Variants in LONRF3 observed in about 807,000 individuals in gnomAD.
LONRF3 encodes LON peptidase N-terminal domain and RING finger protein 3.
Under a neutral mutation model 51.7 loss-of-function variants are expected in LONRF3, and 19 were observed. That is an observed-to-expected ratio of 0.37 (90% CI 0.26 to 0.54). The LOEUF (loss-of-function observed/expected upper bound fraction) is 0.54. LONRF3 is among the 20% of genes least tolerant of loss of function. The pLI is 0.86. For synonymous variants in LONRF3, 265 were observed against 257.8 expected, an observed-to-expected ratio of 1.03 and a Z score of -0.27; for missense variants, 521 against 623.9, an observed-to-expected ratio of 0.84 and a Z score of 1.76.
At chrX:118,985,062 T>G (rs1043053967) in intron 3 of LONRF3, among the ~76,000 whole-genome samples, 1 of 112,472 alleles carries the variant, frequency 8.9e-6, no homozygotes, top group African/African-American at 3.2e-5. Flanking sequence ...TCACTGAGAA[T>G]TGACCCCAAC....
chrX:119,003,903 A>G (rs1361879867), intron 5 of LONRF3, among the ~76,000 whole-genome samples: 1 of 112,179 alleles, frequency 8.9e-6, no homozygotes, highest in Non-Finnish European at 1.9e-5. Flanking sequence ...TTTTAAAAGG[A>G]GTTGCAAATG....
rs202239554 is a variant in LONRF3, at chrX:119,006,205, G to C, written c.1500G>C (p.Lys500Asn). Residue 500 changes from lysine to asparagine, a missense_variant, in exon 6 of 11, where the codon AAG becomes AAC. Lys to Asn is a moderately conservative substitution (Grantham distance 94). Coordinates refer to ENST00000371628, the MANE Select transcript of LONRF3 (RefSeq NM_001031855.3). ...CLERCLDHNA[K>N]CPLCKDGLSQ... ...AAAGATGCCTAGATCACAACGCAAA[G>C]TGTCCATTGTGCAAAGACGGTCTTT... The C allele has an allele frequency of 8.4e-7, 1 of 1,186,042 alleles. No homozygotes were observed. Among genetic ancestry groups the C allele is most frequent in the Non-Finnish European group, 1.1e-6 (1 of 876,687 alleles).
intron 7 of LONRF3, among the ~76,000 whole-genome samples, chrX:119,010,491 T>A (rs1345869738): frequency 1.8e-5 from 2 of 111,608 alleles, no homozygotes; most frequent in Non-Finnish European, 3.8e-5. Flanking sequence ...ATCGTTTTTT[T>A]TTTCTCATTA....
chrX:119,000,775 T>TTCTC (rs200671696), intron 5 of LONRF3, among the ~76,000 whole-genome samples: 9 of 55,840 alleles, frequency 1.6e-4, no homozygotes, highest in Middle Eastern at 0.01. Flanking sequence ...TTCACTCTCA[T>TTCTC]TCTCTCTCTC....
chrX:118,981,021 C>T (rs1379879751), intron 2 of LONRF3, among the ~76,000 whole-genome samples: 1 of 111,695 alleles, frequency 9.0e-6, no homozygotes, highest in Non-Finnish European at 1.9e-5. Flanking sequence ...CCACCTCCCA[C>T]CCTGATTTGC....
intron 5 of LONRF3, among the ~76,000 whole-genome samples, chrX:119,000,775 T>TTCTCTCTCTCTC (rs200671696): frequency 3.6e-5 from 2 of 55,846 alleles, no homozygotes; most frequent in Non-Finnish European, 6.7e-5. Context: ...TTCACTCTCA[T>TTCTCTCTCTCTC]TCTCTCTCTC....
At chrX:119,002,720 C>T (rs746194872) in intron 5 of LONRF3, among the ~76,000 whole-genome samples, 20 of 111,940 alleles carry the variant, frequency 1.8e-4, no homozygotes, top group African/African-American at 2.6e-4. Flanking sequence ...GTTGCAGATA[C>T]CTTCTCCTAC....
chrX:119,012,537 G>A (rs1377663098), intron 8 of LONRF3, among the ~76,000 whole-genome samples: 2 of 110,922 alleles, frequency 1.8e-5, no homozygotes, highest in African/African-American at 6.6e-5. Flanking sequence ...TCAAGGTGCT[G>A]GCATCTGGCA....
chrX:118,989,737 G>C, intron 4 of LONRF3, 65 bp downstream of exon 4: 16 of 1,102,852 alleles, frequency 1.5e-5, no homozygotes, highest in Non-Finnish European at 1.9e-5. Flanking sequence ...ATATATACAA[G>C]TTACTTACCT....
At chrX:119,016,756 G>C (rs1925492003) in intron 10 of LONRF3, among the ~76,000 whole-genome samples, 1 of 111,926 alleles carries the variant, frequency 8.9e-6, no homozygotes, top group South Asian at 3.7e-4. Context: ...GGGGAGAAGA[G>C]AGCTATGGCC....
intron 1 of LONRF3, 121 bp downstream of exon 1, chrX:118,975,718 TGGAC>T: frequency 1.1e-5 from 1 of 89,722 alleles, no homozygotes. Flanking sequence ...GGGGGACCCA[TGGAC>T]TGTGGCGGGG....
At chrX:118,983,167 G>A (rs765608902) in intron 3 of LONRF3, among the ~76,000 whole-genome samples, 6 of 111,676 alleles carry the variant, frequency 5.4e-5, no homozygotes, top group Non-Finnish European at 9.4e-5. Context: ...CATTTTTGTA[G>A]GAGCCTGTGA....
rs1269241824 is a variant in LONRF3, at chrX:118,974,874, C to T, written c.94C>T (p.Gln32Ter). ...GGCGGAGCGAGGGGCATCAGCGGCC[C>T]AAGTAGACATGGGCCCCCACCCAAA... Reference protein sequence around the residue: ...ESAERGASAAQVDMGPHPKVA... With the variant: ...ESAERGASAA Residue 32 changes from glutamine (Q) to a stop codon, truncating the protein, a stop_gained, in exon 1 of 11, where the codon CAA becomes TAA. Transcript: ENST00000371628. LOFTEE classifies it high-confidence loss of function. 1 of 1,204,742 alleles carries T rather than the reference C, an allele frequency of 8.3e-7. No homozygotes were observed. Among genetic ancestry groups the T allele is most frequent in the African/African-American group, 1.7e-5 (1 of 57,921 alleles).
intron 10 of LONRF3, 120 bp from the exon 11 acceptor site, chrX:119,017,415 A>G: frequency 1.4e-6 from 1 of 692,836 alleles, no homozygotes; most frequent in South Asian, 3.6e-5. Flanking sequence ...TATAGGGTCA[A>G]TTAGCAATCT....
At chrX:118,985,915 G>A (rs1294030014) in intron 3 of LONRF3, among the ~76,000 whole-genome samples, 1 of 111,518 alleles carries the variant, frequency 9.0e-6, no homozygotes, top group African/African-American at 3.3e-5. Context: ...CCCTAACTAT[G>A]TACCCTCAGC....
At position 119,014,398 on chromosome X, in the gene LONRF3, A is replaced by G. The variant is rs1925305474; in HGVS notation, c.2124+42A>G. 4 of 1,135,143 alleles carry G rather than the reference A, an allele frequency of 3.5e-6. No homozygotes were observed. The South Asian group carries it at 6.0e-5, about 17-fold the overall frequency. 93.5% of individuals were successfully genotyped at this position (1,135,143 alleles called of 1,213,427 possible). ...ATTTTTAAACGGGTTGTCCCACTAG[A>G]AGAGAGTGCCTAGTGTTTGTGATTA... On this transcript the variant is annotated intron_variant, in intron 10 of 10. Coordinates refer to ENST00000371628, the MANE Select transcript of LONRF3 (RefSeq NM_001031855.3).
At chrX:119,005,008 C>A (rs755126415) in intron 5 of LONRF3, among the ~76,000 whole-genome samples, 2 of 112,156 alleles carry the variant, frequency 1.8e-5, no homozygotes, top group African/African-American at 3.2e-5. Flanking sequence ...CAGGTTCATT[C>A]TAGTTAGTGG....
At chrX:119,012,660 C>G (rs964975613) in intron 8 of LONRF3, among the ~76,000 whole-genome samples, 25 of 111,384 alleles carry the variant, frequency 2.2e-4, no homozygotes, top group Admixed American at 2.0e-3. Flanking sequence ...CAACCCTACT[C>G]TACTTTCACC....
At chrX:118,979,175 T>TA (rs1922348662) in intron 2 of LONRF3, among the ~76,000 whole-genome samples, 1 of 109,335 alleles carries the variant, frequency 9.1e-6, no homozygotes, top group Non-Finnish European at 1.9e-5. Context: ...TAATTTTTTG[T>TA]ATTTTTTTTT....
Sources: gnomAD v4.1 joint callset for allele counts (sites outside exome capture counted in the v4.1 genomes callset) on GRCh38, gnomAD v4.1.1 for gene constraint, MANE v1.5 for transcripts, NCBI Gene and HGNC (gene_info 2026-07-23, HGNC 2026-07-21) for gene names.